Variants in BSPH1 observed in about 807,000 individuals in gnomAD.
The protein encoded by BSPH1 is binder of sperm protein homolog 1, also known as binder of sperm 1.
A neutral mutation model predicts 22.5 loss-of-function variants in BSPH1; 21 were observed. The observed-to-expected ratio is 0.93, with a 90% confidence interval of 0.66 to 1.35. BSPH1 has a LOEUF of 1.35. Ranked by LOEUF, BSPH1 falls within the 40% of genes most tolerant of loss-of-function variation. The probability of loss-of-function intolerance (pLI) is 0.00; values close to 1 mark genes in which losing one functional copy is unlikely to be tolerated. For missense variants in BSPH1, 141 were observed against 154.2 expected (o/e 0.91, Z 0.45); for synonymous variants, 42 against 53.6 (o/e 0.78, Z 0.95).
chr19:47,980,897 A>C, intron 2 of BSPH1, 24 bp downstream of exon 2: 1 of 1,412,300 alleles, frequency 7.1e-7, no homozygotes, highest in African/African-American at 1.5e-5. Flanking sequence ...AGAAACGCTA[A>C]TAAAAGTTTT....
chr19:47,985,115 T>C (rs935438897), intron 1 of BSPH1, among the ~76,000 whole-genome samples: 5 of 151,240 alleles, frequency 3.3e-5, no homozygotes, highest in Non-Finnish European at 7.4e-5. Context: ...TACTGGGCAC[T>C]ATGTTCATTA....
At chr19:47,977,589 CT>C in intron 3 of BSPH1, 85 bp from the exon 4 acceptor site, 1 of 1,504,560 alleles carries the variant, frequency 6.6e-7, no homozygotes. Flanking sequence ...CGCTGTTGCC[CT>C]TTGAAATCAG....
chr19:47,978,728 T>G (rs1233057972), intron 3 of BSPH1, among the ~76,000 whole-genome samples: 1 of 152,232 alleles, frequency 6.6e-6, no homozygotes, highest in Non-Finnish European at 1.5e-5. Context: ...TTACCTGTAT[T>G]ACAGAAGATT....
In BSPH1 at chr19:47,977,355, T is replaced by C; in HGVS notation, c.256+18A>G. 6.5e-7 allele frequency: 1 copy of C among 1,547,188 alleles called. No homozygotes were observed. The highest frequency in any genetic ancestry group is 1.4e-5 in the African/African-American group (1 of 73,080). On this transcript the variant is annotated intron_variant, in intron 4 of 5. Coordinates refer to ENST00000344839, the MANE Select transcript of BSPH1 (RefSeq NM_001128326.2). ...ACCAAGATTACTGCTCTGAGGTATT[T>C]AGAGACAGGACACTCACCTTCTGCA...
intron 1 of BSPH1, among the ~76,000 whole-genome samples, chr19:47,988,298 G>C (rs576317313): frequency 3.5e-4 from 54 of 152,246 alleles, no homozygotes; most frequent in African/African-American, 1.3e-3. Flanking sequence ...AATGATAACA[G>C]TTCTGTTCTG....
chr19:47,986,248 A>G (rs1409816360), intron 1 of BSPH1, among the ~76,000 whole-genome samples: 1 of 152,194 alleles, frequency 6.6e-6, no homozygotes, highest in Non-Finnish European at 1.5e-5. Flanking sequence ...TCTATGTTCA[A>G]TGGAATACAG....
chr19:47,974,352 C>T (rs1280038575), intron 5 of BSPH1, among the ~76,000 whole-genome samples: 4 of 150,348 alleles, frequency 2.7e-5, no homozygotes, highest in Non-Finnish European at 5.9e-5. Context: ...TCAATGCAAC[C>T]TCCACCTCCC....
intron 1 of BSPH1, among the ~76,000 whole-genome samples, chr19:47,990,421 GC>G (rs1969512741): frequency 6.6e-6 from 1 of 151,952 alleles, no homozygotes; most frequent in African/African-American, 2.4e-5. Flanking sequence ...GTCTTAATTT[GC>G]CTTTTTCCAC....
intron 3 of BSPH1, 117 bp from the exon 4 acceptor site, chr19:47,977,621 G>A (rs2122246339): frequency 6.8e-7 from 1 of 1,465,638 alleles, no homozygotes; most frequent in East Asian, 2.5e-5. Context: ...TGTGGCTGTA[G>A]TAAATGTTAT....
intron 1 of BSPH1, among the ~76,000 whole-genome samples, chr19:47,989,115 TA>T (rs1280164766): frequency 1.3e-3 from 63 of 47,862 alleles, no homozygotes; most frequent in African/African-American, 9.2e-3. Context: ...ACCGTTTTAT[TA>T]TTATTATTAT....
At chr19:47,968,990 C>T (rs1443272131) in intron 5 of BSPH1, among the ~76,000 whole-genome samples, 5 of 143,278 alleles carry the variant, frequency 3.5e-5, no homozygotes, top group Admixed American at 7.3e-5. Flanking sequence ...CAGAGCGAGA[C>T]CCTATCTCAG....
At chr19:47,969,960 C>A (rs905617695) in intron 5 of BSPH1, among the ~76,000 whole-genome samples, 1 of 130,060 alleles carries the variant, frequency 7.7e-6, no homozygotes, top group African/African-American at 2.8e-5. Context: ...CTGAGAGAGA[C>A]TTTTAGAATT....
chr19:47,979,518 C>A, intron 3 of BSPH1, 52 bp downstream of exon 3: 1 of 923,094 alleles, frequency 1.1e-6, no homozygotes, highest in East Asian at 2.9e-5. Context: ...CTCACTTTTA[C>A]AAAATTAAAA....
At chr19:47,980,398 A>T (rs4802410) in intron 2 of BSPH1, 90,016 of 544,500 alleles carry the variant, frequency 0.17, 8,226 homozygotes, top group Admixed American at 0.2. Flanking sequence ...TCACATTATG[A>T]AGTTACATGT....
At chr19:47,977,625 ATGTTAT>A (rs1335356906) in intron 3 of BSPH1, 121 bp from the exon 4 acceptor site, 33 of 1,461,196 alleles carry the variant, frequency 2.3e-5, no homozygotes, top group Non-Finnish European at 3.0e-5. Flanking sequence ...GCTGTAGTAA[ATGTTAT>A]TGTGCTACTC....
intron 5 of BSPH1, among the ~76,000 whole-genome samples, chr19:47,973,509 T>C (rs890322937): frequency 1.4e-4 from 21 of 152,058 alleles, no homozygotes; most frequent in Non-Finnish European, 2.2e-4. Flanking sequence ...ATAACGACAA[T>C]AAAAAGTACA....
intron 2 of BSPH1, among the ~76,000 whole-genome samples, chr19:47,980,000 T>C (rs1969403561): frequency 6.6e-6 from 1 of 152,130 alleles, no homozygotes; most frequent in Non-Finnish European, 1.5e-5. Flanking sequence ...CTAATAATTT[T>C]TATTCATGTT....
chr19:47,974,242 T>C (rs1335365545), intron 5 of BSPH1, among the ~76,000 whole-genome samples: 2 of 149,864 alleles, frequency 1.3e-5, no homozygotes, highest in African/African-American at 5.0e-5. Flanking sequence ...GATTGGTCAC[T>C]TCCACAGCCA....
intron 5 of BSPH1, among the ~76,000 whole-genome samples, chr19:47,968,978 G>A (rs183680656): frequency 1.4e-5 from 2 of 148,144 alleles, no homozygotes; most frequent in African/African-American, 2.5e-5. Flanking sequence ...CAGCCTGGGC[G>A]ACAGAGCGAG....
Sources: allele counts gnomAD v4.1 joint callset (sites outside exome capture counted in the v4.1 genomes callset), GRCh38; gene constraint gnomAD v4.1.1; transcripts MANE v1.5; gene names NCBI Gene and HGNC (gene_info 2026-07-23, HGNC 2026-07-21).